Variants in SHANK2 observed in about 807,000 individuals in gnomAD.
SHANK2 encodes SH3 and multiple ankyrin repeat domains 2.
In SHANK2, 43 loss-of-function variants were observed where a neutral mutation model predicts 133.7. The ratio of observed to expected loss-of-function variants is 0.32; its 90% confidence interval spans 0.25 to 0.41. SHANK2 has a LOEUF of 0.41. Ranked by LOEUF, SHANK2 falls within the 10% of genes least tolerant of loss-of-function variation. The probability of loss-of-function intolerance (pLI) is 1.00; values close to 1 mark genes in which losing one functional copy is unlikely to be tolerated. For synonymous variants in SHANK2, 1,017 were observed against 952.8 expected (o/e 1.07, Z -1.24); for missense variants, 1,994 against 2,235.8 (o/e 0.89, Z 2.18).
chr11:70,549,232 A>G (rs2059734403), intron 17 of SHANK2, among the ~76,000 whole-genome samples: 1 of 152,178 alleles, frequency 6.6e-6, no homozygotes, highest in African/African-American at 2.4e-5. Context: ...GGCTGCAAGC[A>G]CCGCAGCCCC....
intron 9 of SHANK2, among the ~76,000 whole-genome samples, chr11:71,070,498 C>T (rs1051252528): frequency 5.3e-5 from 8 of 152,106 alleles, no homozygotes; most frequent in African/African-American, 1.4e-4. Context: ...AACAGCTGTC[C>T]GCCCTGGAAT....
intron 2 of SHANK2, among the ~76,000 whole-genome samples, chr11:71,200,517 T>TTA (rs1555116919): frequency 6.6e-6 from 1 of 152,188 alleles, no homozygotes; most frequent in African/African-American, 2.4e-5. Flanking sequence ...ACTCCACGTT[T>TTA]AACTTCACTC....
In SHANK2 at chr11:70,599,556, C is replaced by T. The variant is rs12785606; in HGVS notation, c.2061+60272G>A. Among the ~76,000 whole-genome samples the T allele has an allele frequency of 9.7e-3, 1,027 of 105,954 alleles. 47 individuals are homozygous for T. Among genetic ancestry groups the T allele is most frequent in the African/African-American group, 0.034 (971 of 28,852 alleles). The allele number at this position is 105,954 out of a possible 152,430, so 69.5% of individuals were successfully genotyped here. On this transcript the variant is annotated intron_variant, in intron 17 of 25. Transcript: ENST00000601538. ...CCAGGGGGCGGAGCCTGCAGTGAGC[C>T]GAGATTGCGCCACTGCACTCCAGCC...
chr11:70,785,541 G>A (rs1025115502), intron 14 of SHANK2, among the ~76,000 whole-genome samples: 5 of 152,316 alleles, frequency 3.3e-5, no homozygotes, highest in Middle Eastern at 6.8e-3. Context: ...GCAGCCTGCC[G>A]GTTGCAGGGA....
At chr11:71,153,961 C>T (rs550606169) in intron 2 of SHANK2, among the ~76,000 whole-genome samples, 1 of 152,114 alleles carries the variant, frequency 6.6e-6, no homozygotes, top group Non-Finnish European at 1.5e-5. Flanking sequence ...CAGAATGAGA[C>T]TCTGTCTCAA....
intron 2 of SHANK2, among the ~76,000 whole-genome samples, chr11:71,206,721 A>G (rs1035543018): frequency 1.3e-5 from 2 of 152,188 alleles, no homozygotes; most frequent in African/African-American, 4.8e-5. Flanking sequence ...GGGTCACTCG[A>G]GGCCAGGCAT....
intron 14 of SHANK2, among the ~76,000 whole-genome samples, chr11:70,794,376 A>G (rs1396605571): frequency 6.6e-6 from 1 of 152,068 alleles, no homozygotes; most frequent in African/African-American, 2.4e-5. Flanking sequence ...GCCCGAGAGT[A>G]CAAGTTGCAG....
intron 2 of SHANK2, among the ~76,000 whole-genome samples, chr11:71,203,858 C>G (rs1954070675): frequency 6.6e-6 from 1 of 152,236 alleles, no homozygotes; most frequent in Non-Finnish European, 1.5e-5. Flanking sequence ...GGCTCCGAGG[C>G]TCAGGAGCAG....
At chr11:70,794,819 G>A (rs1591853095) in intron 14 of SHANK2, among the ~76,000 whole-genome samples, 1 of 152,164 alleles carries the variant, frequency 6.6e-6, no homozygotes, top group South Asian at 2.1e-4. Flanking sequence ...GCCTCCCAAG[G>A]TGCAAAGATT....
At chr11:70,513,500 T>C (rs896433818) in intron 17 of SHANK2, among the ~76,000 whole-genome samples, 2 of 152,224 alleles carry the variant, frequency 1.3e-5, no homozygotes, top group Admixed American at 6.5e-5. Context: ...CAAAGGAATG[T>C]AATATAATCC....
At chr11:71,108,666 C>T (rs1418570863) in intron 6 of SHANK2, among the ~76,000 whole-genome samples, 7 of 152,214 alleles carry the variant, frequency 4.6e-5, no homozygotes, top group Non-Finnish European at 8.8e-5. Flanking sequence ...GGAGGATCGG[C>T]GCAGGGCCTG....
chr11:70,476,693 A>G (rs1264888611), intron 25 of SHANK2, among the ~76,000 whole-genome samples: 3 of 152,224 alleles, frequency 2.0e-5, no homozygotes, highest in African/African-American at 7.2e-5. Flanking sequence ...AAGAAGACAT[A>G]TGCCCACAGA....
At chr11:70,565,390 C>T (rs1047850455) in intron 17 of SHANK2, among the ~76,000 whole-genome samples, 62 of 152,310 alleles carry the variant, frequency 4.1e-4, no homozygotes, top group African/African-American at 1.4e-3. Flanking sequence ...GGATTACAGG[C>T]GCGTGCCACC....
Position 70,661,659 on chromosome 11 carries a change from TCTC to T in SHANK2, c.1870_1872del (p.Glu624del), listed in dbSNP as rs782781859. On this transcript the variant is annotated inframe_deletion, in exon 16 of 26. Coordinates refer to ENST00000601538, the MANE Select transcript of SHANK2 (RefSeq NM_012309.5). ...TCTTTTTTCTGCAGGACCACCGTCT[TCTC>T]CTCAATAATGCAGTCACTGTAGAGA... 1 of 1,614,054 alleles carries T rather than the reference TCTC, an allele frequency of 6.2e-7. No homozygotes were observed. The highest frequency in any genetic ancestry group is 1.3e-5 in the African/African-American group (1 of 74,984).
intron 11 of SHANK2, among the ~76,000 whole-genome samples, chr11:70,823,726 T>C (rs1186039767): frequency 6.9e-6 from 1 of 143,968 alleles, no homozygotes; most frequent in Non-Finnish European, 1.5e-5. Context: ...TTAGTAGAGC[T>C]CATGAGGGAC....
chr11:70,758,334 G>A (rs1452886583), intron 14 of SHANK2, among the ~76,000 whole-genome samples: 1 of 151,950 alleles, frequency 6.6e-6, no homozygotes, highest in African/African-American at 2.4e-5. Flanking sequence ...GTGAGCTTTC[G>A]CTCGCCATCC....
At chr11:70,501,838 C>T (rs2059058054) in intron 20 of SHANK2, 85 bp downstream of exon 20, 3 of 1,433,916 alleles carry the variant, frequency 2.1e-6, no homozygotes, top group Admixed American at 4.0e-5. Flanking sequence ...ACACAGGCCT[C>T]CGAGGCCTGG....
chr11:70,596,117 G>A (rs2136293800), intron 17 of SHANK2, among the ~76,000 whole-genome samples: 1 of 152,314 alleles, frequency 6.6e-6, no homozygotes, highest in Non-Finnish European at 1.5e-5. Context: ...CAGAATTCTG[G>A]CCTCTAGAGC....
intron 14 of SHANK2, among the ~76,000 whole-genome samples, chr11:70,737,445 T>C (rs1178946584): frequency 6.6e-6 from 1 of 152,062 alleles, no homozygotes; most frequent in Non-Finnish European, 1.5e-5. Flanking sequence ...TGGCCTTCTT[T>C]GAGATCTGTC....
Sources: allele counts gnomAD v4.1 joint callset (sites outside exome capture counted in the v4.1 genomes callset), GRCh38; gene constraint gnomAD v4.1.1; transcripts MANE v1.5; gene names NCBI Gene and HGNC (gene_info 2026-07-23, HGNC 2026-07-21).